ITPKB: variants seen among roughly 807,000 people sequenced by gnomAD.
The protein encoded by ITPKB is IP3 3-kinase B.
A neutral mutation model predicts 69.4 loss-of-function variants in ITPKB; 13 were observed. The observed-to-expected ratio is 0.19, with a 90% confidence interval of 0.12 to 0.30. ITPKB has a LOEUF of 0.30. ITPKB is among the 10% of genes least tolerant of loss of function. ITPKB has a pLI of 1.00. For synonymous variants in ITPKB, 584 were observed against 513.7 expected (o/e 1.14, Z -1.85); for missense variants, 1,240 against 1,250.5 (o/e 0.99, Z 0.13).
rs571654035 is a variant in ITPKB at position 226,712,395 on chromosome 1, C to T, written c.1932+23132G>A. ...GTGAAGGGTAAGTGGGTGTTCATAG[C>T]TACTCCACCTGAATGGACAACTGAC... On this transcript the variant is annotated intron_variant, in intron 2 of 7. Transcript: ENST00000429204. Among the ~76,000 whole-genome samples the T allele has an allele frequency of 2.1e-3, 326 of 152,342 alleles. 1 individual carries two copies. The highest frequency in any genetic ancestry group is 7.7e-3 in the African/African-American group (320 of 41,576).
Position 226,736,159 on chromosome 1 carries a change from C to A in ITPKB, c.1300G>T (p.Gly434Trp). The change falls in exon 2 of 8, where the codon GGG becomes TGG. Residue 434 changes from glycine to tryptophan, a missense_variant. Physicochemically the swap from Gly to Trp is radical, Grantham distance 184 (BLOSUM62 -2). Coordinates refer to ENST00000429204, the MANE Select transcript of ITPKB (RefSeq NM_002221.4). ...EEARSGAPVG[G>W]GRWQLSDRVE... is the part of the protein sequence containing the mutation. ...CTGTCGGAGAGCTGCCAACGCCCCC[C>A]GCCCACGGGGGCCCCACTTCGGGCC... 6.4e-7 allele frequency: 1 copy of A among 1,556,726 alleles called. No individual in the cohort carries two copies. The highest frequency in any genetic ancestry group is 8.7e-7 in the Non-Finnish European group (1 of 1,151,536).
chr1:226,696,697 C>T (rs1160318028), intron 2 of ITPKB, among the ~76,000 whole-genome samples: 1 of 152,188 alleles, frequency 6.6e-6, no homozygotes, highest in African/African-American at 2.4e-5. Context: ...AATACGCACA[C>T]GCGCACACAC....
chr1:226,735,414 C>A, intron 2 of ITPKB, 113 bp downstream of exon 2: 9 of 1,231,688 alleles, frequency 7.3e-6, no homozygotes, highest in Non-Finnish European at 9.7e-6. Flanking sequence ...GTCCCAGGGC[C>A]CTGGTCTGAG....
At chr1:226,664,386 C>G (rs1262684282) in intron 2 of ITPKB, among the ~76,000 whole-genome samples, 1 of 152,204 alleles carries the variant, frequency 6.6e-6, no homozygotes, top group African/African-American at 2.4e-5. Flanking sequence ...TGAACGAGAG[C>G]CCCTGACCAT....
chr1:226,716,734 C>T (rs1380250285), intron 2 of ITPKB, among the ~76,000 whole-genome samples: 2 of 152,124 alleles, frequency 1.3e-5, no homozygotes, highest in Non-Finnish European at 2.9e-5. Context: ...GGTCTTGAGC[C>T]CAATCAAATA....
chr1:226,677,574 C>T (rs536539662), intron 2 of ITPKB, among the ~76,000 whole-genome samples: 1 of 152,358 alleles, frequency 6.6e-6, no homozygotes, highest in Admixed American at 6.5e-5. Context: ...GGTACTCCCT[C>T]TTCCCCTTAA....
At chr1:226,663,104 C>T (rs1669431963) in intron 2 of ITPKB, among the ~76,000 whole-genome samples, 1 of 152,236 alleles carries the variant, frequency 6.6e-6, no homozygotes, top group Admixed American at 6.5e-5. Context: ...GCTCTCAGGG[C>T]TCAGCTGTCC....
intron 2 of ITPKB, chr1:226,676,193 C>T (rs928289975): frequency 3.9e-5 from 6 of 152,184 alleles, no homozygotes. Flanking sequence ...CCACAATTAC[C>T]TGCAAGGTAA....
In ITPKB at chr1:226,649,290, CGT is replaced by C. The variant is rs375474345; in HGVS notation, c.1933-521_1933-520del. 2.4e-3 allele frequency among the ~76,000 whole-genome samples: 330 copies of C among 139,248 alleles called. 4 individuals carry two copies. The highest frequency in any genetic ancestry group is 3.5e-3 in the Non-Finnish European group (226 of 64,228). 91.4% of individuals were successfully genotyped at this position (139,248 alleles called of 152,430 possible). A position where few individuals can be genotyped will look rare whatever the true frequency, so the allele number is the denominator to read the frequency against. On this transcript the variant is annotated intron_variant, in intron 2 of 7. Coordinates refer to ENST00000429204, the MANE Select transcript of ITPKB (RefSeq NM_002221.4). ...GACTGGGAGTGTGCATGTGTGTGTGCGTGTGTGTGCATGTGTGTGTGCATATG... is the reference window on the plus strand; with the variant it reads ...GACTGGGAGTGTGCATGTGTGTGTGCGTGTGTGCATGTGTGTGTGCATATG...
At chr1:226,683,270 A>G (rs1002510850) in intron 2 of ITPKB, among the ~76,000 whole-genome samples, 1 of 152,182 alleles carries the variant, frequency 6.6e-6, no homozygotes, top group Non-Finnish European at 1.5e-5. Flanking sequence ...CACTGCCTAC[A>G]TGATTCTTTC....
intron 2 of ITPKB, among the ~76,000 whole-genome samples, chr1:226,683,261 A>G (rs1014206696): frequency 2.0e-5 from 3 of 152,168 alleles, no homozygotes; most frequent in Non-Finnish European, 4.4e-5. Flanking sequence ...AAAGGAACCC[A>G]CTGCCTACAT....
At chr1:226,728,633 G>A (rs1352944368) in intron 2 of ITPKB, among the ~76,000 whole-genome samples, 1 of 152,198 alleles carries the variant, frequency 6.6e-6, no homozygotes, top group Non-Finnish European at 1.5e-5. Context: ...TTGAGTCTAA[G>A]CCTTAAAGTA....
intron 2 of ITPKB, among the ~76,000 whole-genome samples, chr1:226,681,816 T>C (rs914470688): frequency 1.3e-5 from 2 of 152,184 alleles, no homozygotes; most frequent in African/African-American, 4.8e-5. Context: ...CTCCAGATGA[T>C]ACCCCTGCCT....
At chr1:226,723,388 G>T (rs1304096713) in intron 2 of ITPKB, among the ~76,000 whole-genome samples, 5 of 152,138 alleles carry the variant, frequency 3.3e-5, no homozygotes, top group Non-Finnish European at 7.3e-5. Flanking sequence ...TGGGTGTGCA[G>T]TAAGATAAAA....
Position 226,639,693 on chromosome 1 carries a change from A to G in ITPKB, c.2452-35T>C, listed in dbSNP as rs754243281. 34 of 1,388,538 alleles carry G rather than the reference A, an allele frequency of 2.4e-5. No homozygotes were observed. In the African/African-American group the frequency reaches 3.5e-4, roughly 14 times the overall value. The allele number at this position is 1,388,538 out of a possible 1,614,324, so 86.0% of individuals were successfully genotyped here. A position where few individuals can be genotyped will look rare whatever the true frequency, so the allele number is the denominator to read the frequency against. Reference sequence around the variant, plus strand: ...AGAACACCCCACCCAGGAGGGGGTCAGCAGGGACCCTCGGGCAGAAACTGT... The same window carrying G: ...AGAACACCCCACCCAGGAGGGGGTCGGCAGGGACCCTCGGGCAGAAACTGT... On this transcript the variant is annotated intron_variant, in intron 5 of 7. Coordinates refer to ENST00000429204, the MANE Select transcript of ITPKB (RefSeq NM_002221.4).
At position 226,711,676 on chromosome 1, in the gene ITPKB, CTGGCG is replaced by C. The variant is rs1201645710; in HGVS notation, c.1932+23846_1932+23850del. On this transcript the variant is annotated intron_variant, in intron 2 of 7. Coordinates refer to ENST00000429204, the MANE Select transcript of ITPKB (RefSeq NM_002221.4). Reference sequence around the variant, plus strand: ...CAACCTGGACCTCCCATCATTTGTCCTGGCGATGACGAGTGCTGAACAGAAGTTCC... The same window carrying C: ...CAACCTGGACCTCCCATCATTTGTCCATGACGAGTGCTGAACAGAAGTTCC... Among the ~76,000 whole-genome samples, 5 of 152,170 alleles carry C rather than the reference CTGGCG, an allele frequency of 3.3e-5. No individual in the cohort carries two copies. The East Asian group carries it at 9.6e-4, about 29-fold the overall frequency.
chr1:226,722,875 T>C (rs1362075319), intron 2 of ITPKB, among the ~76,000 whole-genome samples: 2 of 152,040 alleles, frequency 1.3e-5, no homozygotes, highest in Admixed American at 1.3e-4. Context: ...AAGGTTTGAA[T>C]AGATCATCCT....
intron 2 of ITPKB, among the ~76,000 whole-genome samples, chr1:226,697,326 G>T (rs940339877): frequency 2.6e-5 from 4 of 152,154 alleles, no homozygotes; most frequent in Non-Finnish European, 5.9e-5. Context: ...AGAAACTTTA[G>T]ACTCTTTCCC....
intron 2 of ITPKB, among the ~76,000 whole-genome samples, chr1:226,682,444 A>T (rs1388067694): frequency 6.6e-6 from 1 of 152,174 alleles, no homozygotes; most frequent in Non-Finnish European, 1.5e-5. Flanking sequence ...AGCAAGCAGA[A>T]ATTTGAGTCC....
Sources: gnomAD v4.1 joint callset for allele counts (sites outside exome capture counted in the v4.1 genomes callset) on GRCh38, gnomAD v4.1.1 for gene constraint, MANE v1.5 for transcripts, NCBI Gene and HGNC (gene_info 2026-07-23, HGNC 2026-07-21) for gene names.